Variants in PCDH15 observed in about 807,000 individuals in gnomAD.
PCDH15 encodes protocadherin related 15.
Under a neutral mutation model 178.5 loss-of-function variants are expected in PCDH15, and 129 were observed. The ratio of observed to expected loss-of-function variants is 0.72; its 90% confidence interval spans 0.63 to 0.84. The LOEUF (loss-of-function observed/expected upper bound fraction) is 0.84. PCDH15 is among the 40% of genes least tolerant of loss of function. The pLI, the probability that PCDH15 is intolerant of heterozygous loss-of-function variation, is 0.00. For synonymous variants in PCDH15, 800 were observed against 732.0 expected, an observed-to-expected ratio of 1.09 and a Z score of -1.50; for missense variants, 2,230 against 2,099.9, an observed-to-expected ratio of 1.06 and a Z score of -1.21.
chr10:55,159,584 G>A (rs1306179208), intron 2 of PCDH15, among the ~76,000 whole-genome samples: 1 of 148,072 alleles, frequency 6.8e-6, no homozygotes, highest in Non-Finnish European at 1.5e-5. Flanking sequence ...AGAGAGAAAA[G>A]AAAAACTGTC....
At chr10:55,307,779 T>A (rs939673717) in intron 1 of PCDH15, among the ~76,000 whole-genome samples, 1 of 151,902 alleles carries the variant, frequency 6.6e-6, no homozygotes, top group Non-Finnish European at 1.5e-5. Flanking sequence ...TCAGACACCA[T>A]AAAAACATAC....
At chr10:55,188,882 A>G (rs997358860) in intron 1 of PCDH15, among the ~76,000 whole-genome samples, 1 of 151,828 alleles carries the variant, frequency 6.6e-6, no homozygotes, top group African/African-American at 2.4e-5. Flanking sequence ...AGAACTTTTA[A>G]TTTGGCCCAA....
intron 2 of PCDH15, among the ~76,000 whole-genome samples, chr10:54,992,543 GA>G (rs1186821692): frequency 6.6e-6 from 1 of 152,014 alleles, no homozygotes; most frequent in Non-Finnish European, 1.5e-5. Context: ...ACAAGGTCAG[GA>G]GATTGAGACC....
chr10:55,150,100 AGACGAGAGGAGAGAAGAGAAGAG>A (rs1838663774), intron 2 of PCDH15, among the ~76,000 whole-genome samples: 1 of 151,490 alleles, frequency 6.6e-6, no homozygotes, highest in Non-Finnish European at 1.5e-5. Flanking sequence ...AAAAGATAGA[AGACGAGAGGAGAGAAGAGAAGAG>A]GAGAGAAGAC....
chr10:54,967,337 G>T (rs1010899860), intron 2 of PCDH15, among the ~76,000 whole-genome samples: 2 of 152,002 alleles, frequency 1.3e-5, no homozygotes, highest in African/African-American at 4.8e-5. Flanking sequence ...ATACACACAT[G>T]CACACACACA....
chr10:54,085,820 C>T (rs143074424), intron 16 of PCDH15, among the ~76,000 whole-genome samples: 1 of 151,824 alleles, frequency 6.6e-6, no homozygotes, highest in African/African-American at 2.4e-5. Context: ...AAAAGAAATA[C>T]AAGAAAATTT....
At position 54,324,351 on chromosome 10, in the gene PCDH15, T is replaced by A. The variant is rs1017354490; in HGVS notation, c.705+5245A>T. On this transcript the variant is annotated intron_variant, in intron 7 of 37. Coordinates refer to ENST00000644397, the MANE Select transcript of PCDH15 (RefSeq NM_001384140.1). ...TAATATTATAATTTTAGGAATTATA[T>A]CTTGTTAGGAAAGATAGCTAGCATC... 1.5e-4 allele frequency among the ~76,000 whole-genome samples: 23 copies of A among 152,164 alleles called. 1 individual carries two copies. The highest frequency in any genetic ancestry group is 6.6e-5 in the Admixed American group (1 of 15,258).
chr10:54,655,831 A>C (rs2094394409), intron 2 of PCDH15: 1 of 152,222 alleles, frequency 6.6e-6, no homozygotes, highest in Non-Finnish European at 1.5e-5. Flanking sequence ...GTCTTGGTAC[A>C]ACCTAATGAA....
intron 2 of PCDH15, among the ~76,000 whole-genome samples, chr10:54,552,863 C>G (rs141970889): frequency 1.3e-4 from 20 of 152,142 alleles, no homozygotes; most frequent in African/African-American, 4.8e-4. Flanking sequence ...AAATAAAGAA[C>G]TTCACTGTTT....
chr10:53,809,990 CAT>C (rs369210867), intron 37 of PCDH15, among the ~76,000 whole-genome samples: 125 of 152,166 alleles, frequency 8.2e-4, no homozygotes, highest in African/African-American at 2.7e-3. Context: ...AAATTTTGCA[CAT>C]GTTAAAGCCA....
At chr10:54,756,089 A>ACACACATACACACT (rs1947065575) in intron 1 of PCDH15, among the ~76,000 whole-genome samples, 1 of 148,228 alleles carries the variant, frequency 6.7e-6, no homozygotes, top group East Asian at 2.1e-4. Context: ...ACACACACAC[A>ACACACATACACACT]CACACACAAA....
In PCDH15 at chr10:55,607,068, C is replaced by G. The variant is rs1483132815; in HGVS notation, c.-156+20557G>C. 9.9e-5 allele frequency among the ~76,000 whole-genome samples: 15 copies of G among 152,096 alleles called. 1 individual carries two copies. Among genetic ancestry groups the G allele is most frequent in the Admixed American group, 9.8e-4 (15 of 15,260 alleles). On this transcript the variant is annotated intron_variant, in intron 2 of 5. Coordinates refer to the PCDH15 transcript ENST00000613346. ...ATTTACAAGAAAAAAACAAACAACC[C>G]TATCAAAAAGTGGGCAAAGGATATG...
intron 2 of PCDH15, chr10:54,600,325 A>T (rs1439366231): frequency 1.8e-6 from 1 of 541,860 alleles, no homozygotes; most frequent in Non-Finnish European, 3.6e-6. Context: ...ATCCAGGAAG[A>T]AAGACATAGC....
intron 2 of PCDH15, among the ~76,000 whole-genome samples, chr10:55,625,170 T>G (rs1837499534): frequency 6.6e-6 from 1 of 152,090 alleles, no homozygotes; most frequent in Non-Finnish European, 1.5e-5. Context: ...CTGAAGCATT[T>G]CTGTCACCTC....
intron 2 of PCDH15, among the ~76,000 whole-genome samples, chr10:54,981,416 A>G (rs552962566): frequency 1.3e-5 from 2 of 152,236 alleles, no homozygotes; most frequent in South Asian, 2.1e-4. Context: ...GTATACTTCT[A>G]TAAGGAGGTA....
At chr10:54,952,636 T>A (rs1461621774) in intron 2 of PCDH15, among the ~76,000 whole-genome samples, 1 of 151,760 alleles carries the variant, frequency 6.6e-6, no homozygotes, top group Admixed American at 6.6e-5. Flanking sequence ...ACATAGAATA[T>A]CTTTCCGTTT....
chr10:54,962,866 T>C (rs1453298467), intron 2 of PCDH15, among the ~76,000 whole-genome samples: 3 of 152,096 alleles, frequency 2.0e-5, no homozygotes, highest in Non-Finnish European at 4.4e-5. Flanking sequence ...GCATGAGAAA[T>C]ACTCAGGAAG....
At chr10:54,929,573 G>A (rs550876777) in intron 2 of PCDH15, among the ~76,000 whole-genome samples, 13 of 152,128 alleles carry the variant, frequency 8.5e-5, no homozygotes, top group South Asian at 2.1e-4. Context: ...CCTTCTGACC[G>A]TTGTGACAAC....
chr10:55,261,080 C>T (rs1284090446), intron 1 of PCDH15, among the ~76,000 whole-genome samples: 1 of 152,074 alleles, frequency 6.6e-6, no homozygotes, highest in African/African-American at 2.4e-5. Flanking sequence ...AGAAACAGAA[C>T]AGTGAAATAG....
Sources: allele counts gnomAD v4.1 joint callset (sites outside exome capture counted in the v4.1 genomes callset), GRCh38; gene constraint gnomAD v4.1.1; transcripts MANE v1.5; gene names NCBI Gene and HGNC (gene_info 2026-07-23, HGNC 2026-07-21).